Variants in PIGK observed in about 807,000 individuals in gnomAD.
The protein encoded by PIGK is GPI-anchor transamidase.
In PIGK, 42 loss-of-function variants were observed where a neutral mutation model predicts 50.6. The observed-to-expected ratio is 0.83, with a 90% CI of 0.65 to 1.07. The LOEUF is 1.07. Ranked by LOEUF, PIGK falls within the 50% of genes least tolerant of loss-of-function variation. The probability of loss-of-function intolerance (pLI) is 0.00; values close to 1 mark genes in which losing one functional copy is unlikely to be tolerated. For synonymous variants in PIGK, 151 were observed against 156.0 expected (o/e 0.97, Z 0.24); for missense variants, 448 against 488.7 (o/e 0.92, Z 0.78).
intron 9 of PIGK, among the ~76,000 whole-genome samples, chr1:77,144,600 G>A (rs1473227061): frequency 6.6e-6 from 1 of 151,724 alleles, no homozygotes; most frequent in African/African-American, 2.4e-5. Flanking sequence ...GTACTATGTT[G>A]TGCTATACTA....
chr1:77,201,062 G>A (rs767413641), intron 3 of PIGK, among the ~76,000 whole-genome samples: 2 of 152,064 alleles, frequency 1.3e-5, no homozygotes, highest in Non-Finnish European at 2.9e-5. Flanking sequence ...GCTTATTAAC[G>A]CTCCACTTCA....
At chr1:77,102,055 G>A in intron 10 of PIGK, among the ~76,000 whole-genome samples, 1 of 152,150 alleles carries the variant, frequency 6.6e-6, no homozygotes, top group East Asian at 1.9e-4. Flanking sequence ...TTCCAATGGA[G>A]GAGATTAAAA....
chr1:77,123,637 G>C (rs980541306), intron 9 of PIGK, among the ~76,000 whole-genome samples: 1 of 152,014 alleles, frequency 6.6e-6, no homozygotes, highest in Non-Finnish European at 1.5e-5. Flanking sequence ...CTGGGAGGAG[G>C]GGACACTGGG....
chr1:77,172,094 T>C (rs12239833), intron 3 of PIGK, among the ~76,000 whole-genome samples: 1 of 150,102 alleles, frequency 6.7e-6, no homozygotes, highest in Non-Finnish European at 1.5e-5. Context: ...TTTTTTTGTA[T>C]TTTGACATCC....
intron 9 of PIGK, among the ~76,000 whole-genome samples, chr1:77,133,989 C>T (rs1253509107): frequency 6.6e-6 from 1 of 152,214 alleles, no homozygotes; most frequent in Non-Finnish European, 1.5e-5. Context: ...AAATTCTCAC[C>T]TATAGCGCAG....
chr1:77,152,488 A>G (rs1427151167), intron 9 of PIGK, among the ~76,000 whole-genome samples: 1 of 152,142 alleles, frequency 6.6e-6, no homozygotes, highest in African/African-American at 2.4e-5. Context: ...AACAAAAGCA[A>G]AAACAGAAAA....
chr1:77,209,760 T>C (rs1656373909), intron 2 of PIGK, among the ~76,000 whole-genome samples: 2 of 152,054 alleles, frequency 1.3e-5, no homozygotes, highest in Non-Finnish European at 2.9e-5. Flanking sequence ...TATGTCTCCA[T>C]ACCTACTGGC....
At chr1:77,184,758 C>A (rs552762427) in intron 3 of PIGK, among the ~76,000 whole-genome samples, 21 of 152,308 alleles carry the variant, frequency 1.4e-4, no homozygotes, top group African/African-American at 4.6e-4. Context: ...TAACAGCTGG[C>A]AGAACCCCCA....
chr1:77,215,088 A>G (rs1010112414), intron 1 of PIGK, among the ~76,000 whole-genome samples: 4 of 152,174 alleles, frequency 2.6e-5, no homozygotes, highest in Non-Finnish European at 5.9e-5. Context: ...AGTGATCTAC[A>G]GTTCAATGCA....
At chr1:77,092,932 T>C (rs1019119630) in intron 10 of PIGK, among the ~76,000 whole-genome samples, 1 of 152,148 alleles carries the variant, frequency 6.6e-6, no homozygotes, top group African/African-American at 2.4e-5. Flanking sequence ...GGCATTCATA[T>C]ATCATAGTGA....
intron 10 of PIGK, among the ~76,000 whole-genome samples, chr1:77,105,022 C>G (rs958542838): frequency 1.3e-5 from 2 of 152,094 alleles, no homozygotes; most frequent in Non-Finnish European, 2.9e-5. Flanking sequence ...GGTACCCACG[C>G]TTGGTGGGTC....
chr1:77,198,527 A>G (rs985985935), intron 3 of PIGK, among the ~76,000 whole-genome samples: 1 of 151,986 alleles, frequency 6.6e-6, no homozygotes, highest in Non-Finnish European at 1.5e-5. Context: ...ATAAAAATTT[A>G]TAGTCAATTA....
intron 9 of PIGK, among the ~76,000 whole-genome samples, chr1:77,141,757 A>C (rs1654654534): frequency 6.6e-6 from 1 of 152,136 alleles, no homozygotes; most frequent in African/African-American, 2.4e-5. Context: ...ATATTAATTT[A>C]ATAAAAGCTC....
At chr1:77,155,716 G>A (rs190862112) in intron 8 of PIGK, among the ~76,000 whole-genome samples, 3 of 152,204 alleles carry the variant, frequency 2.0e-5, no homozygotes, top group Non-Finnish European at 2.9e-5. Context: ...TGAAGCATGA[G>A]AGATATGAGG....
Position 77,089,079 on chromosome 1 carries a change from T to C in PIGK, c.*3295A>G, listed in dbSNP as rs1439153175. The C allele has an allele frequency of 1.3e-5, 2 of 152,172 alleles. No individual in the cohort carries two copies. Among genetic ancestry groups the C allele is most frequent in the African/African-American group, 2.4e-5 (1 of 41,422 alleles). 9.4% of individuals were successfully genotyped at this position (152,172 alleles called of 1,614,324 possible). A position where few individuals can be genotyped will look rare whatever the true frequency, so the allele number is the denominator to read the frequency against. On this transcript the variant is annotated 3_prime_UTR_variant, in exon 11 of 11. Coordinates refer to ENST00000370812, the MANE Select transcript of PIGK (RefSeq NM_005482.3). ...ATTCTAGGATCTACACAGTTAAACCTAATATTTCACAGCACATTTCCAAAA... is the reference window on the plus strand; with the variant it reads ...ATTCTAGGATCTACACAGTTAAACCCAATATTTCACAGCACATTTCCAAAA...
At chr1:77,121,083 T>A (rs1654085197) in intron 10 of PIGK, among the ~76,000 whole-genome samples, 1 of 152,204 alleles carries the variant, frequency 6.6e-6, no homozygotes, top group Non-Finnish European at 1.5e-5. Context: ...TGAACTGTTC[T>A]GGGCAGATTC....
intron 9 of PIGK, among the ~76,000 whole-genome samples, chr1:77,142,124 T>TTTTTG (rs775083291): frequency 4.6e-5 from 7 of 152,148 alleles, no homozygotes; most frequent in Non-Finnish European, 8.8e-5. Flanking sequence ...ATTGAGTTGT[T>TTTTTG]TTTTGTTTTG....
Position 77,196,133 on chromosome 1 carries a change from C to T in PIGK, c.239+10507G>A, listed in dbSNP as rs571653863. 7.9e-5 allele frequency among the ~76,000 whole-genome samples: 12 copies of T among 152,288 alleles called. No homozygotes were observed. In the South Asian group the frequency reaches 1.2e-3, roughly 16 times the overall value. On this transcript the variant is annotated intron_variant, in intron 3 of 10. Transcript: ENST00000370812. ...CTTAGTAAAATGGCCTCCAGCTGTA[C>T]GCATGTAGCTGGAAAGGACATGATC...
intron 1 of PIGK, among the ~76,000 whole-genome samples, chr1:77,211,120 A>G (rs1656409812): frequency 6.6e-6 from 1 of 151,986 alleles, no homozygotes; most frequent in South Asian, 2.1e-4. Context: ...CATTATATAT[A>G]TAATTAACTT....
Sources: allele counts gnomAD v4.1 joint callset (sites outside exome capture counted in the v4.1 genomes callset), GRCh38; gene constraint gnomAD v4.1.1; transcripts MANE v1.5; gene names NCBI Gene and HGNC (gene_info 2026-07-23, HGNC 2026-07-21).